The following ALG6 variants were observed in gnomAD, a reference collection of about 807,000 sequenced individuals.
ALG6 encodes ALG6 alpha-1,3-glucosyltransferase.
Under a neutral mutation model 66.6 loss-of-function variants are expected in ALG6, and 46 were observed. The ratio of observed to expected loss-of-function variants is 0.69; its 90% CI spans 0.55 to 0.88. The LOEUF (loss-of-function observed/expected upper bound fraction) is 0.88, where lower values mean the gene tolerates loss of function less well. ALG6 is among the 40% of genes least tolerant of loss of function. The pLI is 0.00. For missense variants in ALG6, 505 were observed against 586.8 expected (o/e 0.86, Z 1.44); for synonymous variants, 185 against 203.7 (o/e 0.91, Z 0.78).
rs760529916 is a variant in ALG6 at position 63,415,919 on chromosome 1, A to T, written c.949A>T (p.Ile317Leu). ...LSLLPACIKL[I>L]LQPSSKGFKF... ...CCTGCTTCCTGCATGCATAAAATTA[A>T]TACTTCAGCCCTCTTCCAAAGGATT... The change falls in exon 11 of 15, where the codon ATA becomes TTA. Residue 317 changes from isoleucine (I) to leucine (L), a missense_variant. By Grantham distance (5) the Ile-to-Leu change is conservative. Transcript: ENST00000263440. 1.9e-6 allele frequency: 3 copies of T among 1,612,276 alleles called. No individual in the cohort carries two copies. In the South Asian group the frequency reaches 3.3e-5, roughly 18 times the overall value.
intron 12 of ALG6, among the ~76,000 whole-genome samples, chr1:63,427,073 T>G (rs1449343853): frequency 6.6e-6 from 1 of 152,046 alleles, no homozygotes; most frequent in Non-Finnish European, 1.5e-5. Flanking sequence ...CGATCTCGGC[T>G]CACTGCAACC....
Position 63,373,432 on chromosome 1 carries a change from G to A in ALG6, c.82+2373G>A, listed in dbSNP as rs552855094. Among the ~76,000 whole-genome samples the A allele has an allele frequency of 2.5e-3, 370 of 150,682 alleles. 2 individuals are homozygous for A. The highest frequency in any genetic ancestry group is 8.5e-3 in the African/African-American group (349 of 41,180). On this transcript the variant is annotated intron_variant, in intron 2 of 14. Coordinates refer to ENST00000263440, the MANE Select transcript of ALG6 (RefSeq NM_013339.4). ...AGCCTGAGCAACATGGCAAAACCCC[G>A]TCTCTATTAAAAATACAAAAATTAG...
At chr1:63,381,323 G>T (rs376151715) in intron 2 of ALG6, among the ~76,000 whole-genome samples, 2 of 152,090 alleles carry the variant, frequency 1.3e-5, no homozygotes, top group East Asian at 3.9e-4. Flanking sequence ...GCGTGGTGGC[G>T]GGCGCCTGTA....
chr1:63,413,980 A>T, intron 9 of ALG6, 81 bp from the exon 10 acceptor site: 1 of 1,055,228 alleles, frequency 9.5e-7, no homozygotes, highest in Non-Finnish European at 1.5e-6. Flanking sequence ...AAAGTTTATT[A>T]GAGATTATGG....
intron 2 of ALG6, among the ~76,000 whole-genome samples, chr1:63,390,536 A>G (rs957702534): frequency 1.3e-5 from 2 of 152,168 alleles, no homozygotes; most frequent in African/African-American, 4.8e-5. Context: ...GTGCACCCCC[A>G]GTCCACTGCG....
chr1:63,395,833 A>G (rs1417723139), intron 2 of ALG6, among the ~76,000 whole-genome samples: 1 of 152,224 alleles, frequency 6.6e-6, no homozygotes, highest in Admixed American at 6.5e-5. Flanking sequence ...CTCTGTATCC[A>G]TGGATTCTAT....
At chr1:63,371,769 T>C (rs1647934073) in intron 2 of ALG6, among the ~76,000 whole-genome samples, 1 of 152,094 alleles carries the variant, frequency 6.6e-6, no homozygotes, top group Non-Finnish European at 1.5e-5. Flanking sequence ...CATGCCCAGC[T>C]AATTTTTGCA....
intron 4 of ALG6, 38 bp from the exon 5 acceptor site, chr1:63,404,415 G>A (rs1392300221): frequency 6.8e-7 from 1 of 1,463,704 alleles, no homozygotes; most frequent in Non-Finnish European, 9.6e-7. Context: ...TAAAAGGGAT[G>A]AGGAATGAAG....
At chr1:63,410,889 CCAAAA>C (rs1644512456) in intron 7 of ALG6, among the ~76,000 whole-genome samples, 2 of 151,982 alleles carry the variant, frequency 1.3e-5, no homozygotes, top group Admixed American at 6.6e-5. Flanking sequence ...CTCTTTTAAA[CCAAAA>C]CAAATCAGTT....
Position 63,411,320 on chromosome 1 carries a change from C to T in ALG6, c.669C>T (p.Leu223=), listed in dbSNP as rs377089305. ...TTGGCAAGTGTTTTAAAAAAGGCCT[C>T]AAAGGAAAGGGGTGAGTGACTTTTA... The part of the protein sequence containing the change: ...FLLGKCFKKG[L]KGKGFVLLVK... Residue 223 remains leucine, a synonymous_variant, in exon 8 of 15, where the codon CTC becomes CTT. Coordinates refer to ENST00000263440, the MANE Select transcript of ALG6 (RefSeq NM_013339.4). 31 of 1,613,408 alleles carry T rather than the reference C, an allele frequency of 1.9e-5. No individual in the cohort carries two copies. Among genetic ancestry groups the T allele is most frequent in the Non-Finnish European group, 2.4e-5 (28 of 1,179,754 alleles).
At chr1:63,399,546 TTC>T (rs1202875401) in intron 3 of ALG6, among the ~76,000 whole-genome samples, 1 of 152,174 alleles carries the variant, frequency 6.6e-6, no homozygotes, top group Non-Finnish European at 1.5e-5. Context: ...AACGTCTTCT[TTC>T]TGTTTGTTCT....
chr1:63,401,495 G>GT (rs2100411983), intron 3 of ALG6, among the ~76,000 whole-genome samples: 1 of 151,608 alleles, frequency 6.6e-6, no homozygotes, highest in Admixed American at 6.6e-5. Flanking sequence ...GTGAAACCCC[G>GT]TCTCTACTAA....
rs74623537 is a variant in ALG6, at chr1:63,428,887, T to C, written c.1128-41T>C. The stretch of plus-strand genomic sequence containing the variant: ...TTTTATGAAGTGGTTATGGTTTGAA[T>C]TGATAATTCTCTTGTGATTTTTAAA... On this transcript the variant is annotated intron_variant, in intron 13 of 14. Transcript: ENST00000263440. 7.7e-3 allele frequency: 12,279 copies of C among 1,595,528 alleles called. 803 individuals are homozygous for C. In the African/African-American group the frequency reaches 0.14, roughly 18 times the overall value.
chr1:63,436,282 A>C (rs1375397844), intron 14 of ALG6, among the ~76,000 whole-genome samples: 1 of 152,130 alleles, frequency 6.6e-6, no homozygotes, highest in East Asian at 1.9e-4. Context: ...ATTACCTTAA[A>C]AATATGTCTT....
At chr1:63,418,134 CAA>C (rs757286574) in intron 11 of ALG6, among the ~76,000 whole-genome samples, 9 of 117,316 alleles carry the variant, frequency 7.7e-5, no homozygotes, top group Admixed American at 1.8e-4. Context: ...AACTCCATCT[CAA>C]AAAAAAAAAA....
intron 6 of ALG6, 103 bp from the exon 7 acceptor site, chr1:63,406,959 A>G (rs1271324607): frequency 3.6e-6 from 3 of 843,988 alleles, no homozygotes; most frequent in Non-Finnish European, 4.1e-6. Flanking sequence ...ACACCTCTGG[A>G]AAAGGGGAAC....
rs1221483571 is a variant in ALG6, at chr1:63,437,729, T to C, written c.*709T>C. 1 of 152,104 alleles carries C rather than the reference T, an allele frequency of 6.6e-6. No homozygotes were observed. Among genetic ancestry groups the C allele is most frequent in the African/African-American group, 2.4e-5 (1 of 41,392 alleles). The allele number at this position is 152,104 out of a possible 1,614,324, so 9.4% of individuals were successfully genotyped here. A position where few individuals can be genotyped will look rare whatever the true frequency, so the allele number is the denominator to read the frequency against. On this transcript the variant is annotated 3_prime_UTR_variant, in exon 15 of 15. Transcript: ENST00000263440. Reference sequence around the variant, plus strand: ...TTAAATGTAAGCTTTAACTTAACTTTAAGTGGTTTGAGTGAAGTCTTCTAA... The same window carrying C: ...TTAAATGTAAGCTTTAACTTAACTTCAAGTGGTTTGAGTGAAGTCTTCTAA...
At position 63,411,127 on chromosome 1, in the gene ALG6, T is replaced by A; in HGVS notation, c.495-19T>A. Reference sequence around the variant, plus strand: ...CTTTTTAAAAGATTATTGAGATAATTTCCTTGACACAGGAACATATATAAT... The same window carrying A: ...CTTTTTAAAAGATTATTGAGATAATATCCTTGACACAGGAACATATATAAT... On this transcript the variant is annotated intron_variant, in intron 7 of 14. Coordinates refer to ENST00000263440, the MANE Select transcript of ALG6 (RefSeq NM_013339.4). The A allele has an allele frequency of 6.2e-7, 1 of 1,612,596 alleles. No homozygotes were observed. Among genetic ancestry groups the A allele is most frequent in the Non-Finnish European group, 8.5e-7 (1 of 1,179,344 alleles).
chr1:63,425,145 C>T (rs1235348966), intron 12 of ALG6, among the ~76,000 whole-genome samples: 1 of 151,940 alleles, frequency 6.6e-6, no homozygotes, highest in Non-Finnish European at 1.5e-5. Context: ...AAAAAGGAAG[C>T]AGAAAAATAG....
Sources: gnomAD v4.1 joint callset for allele counts (sites outside exome capture counted in the v4.1 genomes callset) on GRCh38, gnomAD v4.1.1 for gene constraint, MANE v1.5 for transcripts, NCBI Gene and HGNC (gene_info 2026-07-23, HGNC 2026-07-21) for gene names.